Variants in GRIK2 observed in about 807,000 individuals in gnomAD.
GRIK2 encodes glutamate receptor ionotropic, kainate 2.
In GRIK2, 32 loss-of-function variants were observed where a neutral mutation model predicts 100.3. The observed-to-expected ratio is 0.32, with a 90% CI of 0.24 to 0.43. The LOEUF (loss-of-function observed/expected upper bound fraction) is 0.43, where lower values mean the gene tolerates loss of function less well. GRIK2 is among the 20% of genes least tolerant of loss of function. The pLI, the probability that GRIK2 is intolerant of heterozygous loss-of-function variation, is 1.00. For missense variants in GRIK2, 843 were observed against 1,114.9 expected, an observed-to-expected ratio of 0.76 and a Z score of 3.47; for synonymous variants, 417 against 389.4, an observed-to-expected ratio of 1.07 and a Z score of -0.83.
intron 14 of GRIK2, among the ~76,000 whole-genome samples, chr6:102,021,563 TA>T (rs1488955545): frequency 3.3e-5 from 5 of 151,680 alleles, no homozygotes; most frequent in Non-Finnish European, 7.4e-5. Flanking sequence ...AGTAAAATAT[TA>T]AAACCCATTA....
At chr6:101,410,594 C>A (rs2128237854) in intron 2 of GRIK2, among the ~76,000 whole-genome samples, 1 of 152,186 alleles carries the variant, frequency 6.6e-6, no homozygotes, top group East Asian at 1.9e-4. Context: ...ACAACCTACA[C>A]CTCCTTGAGC....
intron 7 of GRIK2, among the ~76,000 whole-genome samples, chr6:101,764,908 CTGTGTG>C (rs561704365): frequency 6.6e-6 from 1 of 151,688 alleles, no homozygotes; most frequent in African/African-American, 2.4e-5. Flanking sequence ...CTTCATTTTT[CTGTGTG>C]TGTGTGTGTT....
intron 16 of GRIK2, among the ~76,000 whole-genome samples, chr6:102,061,489 C>A (rs2114523304): frequency 6.6e-6 from 1 of 150,446 alleles, no homozygotes; most frequent in Middle Eastern, 3.4e-3. Flanking sequence ...TTGAATTTTT[C>A]ACTAAGGAAA....
At chr6:101,536,377 T>C (rs1775693572) in intron 2 of GRIK2, among the ~76,000 whole-genome samples, 1 of 151,536 alleles carries the variant, frequency 6.6e-6, no homozygotes. Context: ...TAATTCACCC[T>C]ATATGTTAGG....
intron 2 of GRIK2, among the ~76,000 whole-genome samples, chr6:101,526,705 C>T (rs932834252): frequency 1.7e-4 from 26 of 152,024 alleles, no homozygotes; most frequent in African/African-American, 6.0e-4. Context: ...GATCACCAGT[C>T]AAAAAAGGAA....
chr6:101,568,073 G>A (rs907149769), intron 2 of GRIK2, among the ~76,000 whole-genome samples: 8 of 151,842 alleles, frequency 5.3e-5, no homozygotes, highest in Admixed American at 5.3e-4. Context: ...TAGAATATAT[G>A]TTGTTTATCT....
At chr6:101,590,178 G>C (rs1271826792) in intron 2 of GRIK2, among the ~76,000 whole-genome samples, 1 of 152,022 alleles carries the variant, frequency 6.6e-6, no homozygotes, top group Non-Finnish European at 1.5e-5. Flanking sequence ...AGTTAATTCT[G>C]TGATGGACTG....
intron 4 of GRIK2, among the ~76,000 whole-genome samples, chr6:101,675,322 A>ACACACT (rs772864693): frequency 6.0e-5 from 9 of 149,152 alleles, no homozygotes; most frequent in Non-Finnish European, 1.2e-4. Context: ...ACACACACAC[A>ACACACT]CACACTCGAG....
intron 2 of GRIK2, among the ~76,000 whole-genome samples, chr6:101,575,995 C>A (rs955729900): frequency 7.9e-5 from 12 of 151,782 alleles, no homozygotes; most frequent in African/African-American, 2.7e-4. Context: ...GCTAAACAAC[C>A]AAGATGTTTG....
At chr6:101,547,273 C>G (rs986996740) in intron 2 of GRIK2, among the ~76,000 whole-genome samples, 1 of 152,040 alleles carries the variant, frequency 6.6e-6, no homozygotes, top group East Asian at 1.9e-4. Context: ...ACGCAAATTG[C>G]GAACCTATAA....
At chr6:101,977,331 G>T (rs1289152141) in intron 14 of GRIK2, among the ~76,000 whole-genome samples, 1 of 151,758 alleles carries the variant, frequency 6.6e-6, no homozygotes, top group African/African-American at 2.4e-5. Context: ...GAAGAGCCAA[G>T]ATTTATTGGG....
At chr6:101,970,741 A>ATT (rs1562076713) in intron 14 of GRIK2, among the ~76,000 whole-genome samples, 1 of 144,270 alleles carries the variant, frequency 6.9e-6, no homozygotes, top group African/African-American at 2.9e-5. Flanking sequence ...ACATCCTGCA[A>ATT]TTGTATTTAG....
In GRIK2 at chr6:101,552,055, G is replaced by C. The variant is rs115997457; in HGVS notation, c.116-69894G>C. ...GCTTGGTTGTGGTGTAGAGTAATTG[G>C]GAATGGGTGGATGCATGTGTAGTTT... On this transcript the variant is annotated intron_variant, in intron 2 of 16. Transcript: ENST00000369134. Among the ~76,000 whole-genome samples the C allele has an allele frequency of 8.2e-3, 1,252 of 152,130 alleles. 21 individuals are homozygous for C. Among genetic ancestry groups the C allele is most frequent in the African/African-American group, 0.029 (1,200 of 41,500 alleles).
intron 2 of GRIK2, among the ~76,000 whole-genome samples, chr6:101,425,547 C>T (rs2128241398): frequency 6.6e-6 from 1 of 152,118 alleles, no homozygotes; most frequent in Non-Finnish European, 1.5e-5. Flanking sequence ...ATCTTTTTTC[C>T]CAAATTTTTA....
At position 101,686,330 on chromosome 6, in the gene GRIK2, G is replaced by C. The variant is rs754248834; in HGVS notation, c.928G>C (p.Gly310Arg). The change falls in exon 7 of 17, where the codon GGT becomes CGT. Residue 310 changes from glycine (G) to arginine (R), a missense_variant. Around this residue, in one of 3 missense-constraint regions of GRIK2, gnomAD observed 519 missense variants for 643.8 expected, o/e 0.81. Transcript: ENST00000369134. Reference protein sequence around the residue: ...RLQAPPKPDSGLLDGFMTTDA... With the variant: ...RLQAPPKPDSRLLDGFMTTDA... Reference sequence around the variant, plus strand: ...GCAGGCACCTCCGAAACCCGATTCAGGTTTGCTGGATGGATTTATGACGGT... The same window carrying C: ...GCAGGCACCTCCGAAACCCGATTCACGTTTGCTGGATGGATTTATGACGGT... 6 of 1,613,208 alleles carry C rather than the reference G, an allele frequency of 3.7e-6. No individual in the cohort carries two copies. The East Asian group carries it at 6.7e-5, about 18-fold the overall frequency.
chr6:101,796,131 A>G (rs568056108), intron 7 of GRIK2, among the ~76,000 whole-genome samples: 21 of 152,340 alleles, frequency 1.4e-4, no homozygotes, highest in Admixed American at 2.6e-4. Context: ...TATATGGATT[A>G]AATCCAGCTC....
intron 10 of GRIK2, among the ~76,000 whole-genome samples, chr6:101,828,508 A>C (rs1782477601): frequency 6.6e-6 from 1 of 151,922 alleles, no homozygotes; most frequent in African/African-American, 2.4e-5. Context: ...GGATAACAAC[A>C]TTGATATACT....
chr6:101,961,261 C>G (rs1307785059), intron 14 of GRIK2, among the ~76,000 whole-genome samples: 2 of 152,162 alleles, frequency 1.3e-5, no homozygotes, highest in African/African-American at 4.8e-5. Context: ...GGAGAAACCT[C>G]TTTCCTCAAC....
chr6:101,880,932 T>C (rs1157605549), intron 11 of GRIK2, among the ~76,000 whole-genome samples: 34 of 151,920 alleles, frequency 2.2e-4, no homozygotes, highest in Non-Finnish European at 4.7e-4. Flanking sequence ...ATGCAACATA[T>C]TGTCTTCATT....
Sources: gnomAD v4.1 joint callset for allele counts (sites outside exome capture counted in the v4.1 genomes callset) on GRCh38, gnomAD v4.1.1 for gene constraint, gnomAD v4.1.1 regional missense constraint, MANE v1.5 for transcripts, NCBI Gene and HGNC (gene_info 2026-07-23, HGNC 2026-07-21) for gene names.